The following DLGAP2 variants were observed in gnomAD, a reference collection of about 807,000 sequenced individuals.
DLGAP2 encodes the protein DLG associated protein 2, also known as disks large-associated protein 2.
Under a neutral mutation model 100.3 loss-of-function variants are expected in DLGAP2, and 26 were observed. The ratio of observed to expected loss-of-function variants is 0.26; its 90% confidence interval spans 0.19 to 0.36. The LOEUF (loss-of-function observed/expected upper bound fraction) is 0.36. DLGAP2 is among the 10% of genes least tolerant of loss of function. The pLI is 1.00. For synonymous variants in DLGAP2, 886 were observed against 630.1 expected (o/e 1.41, Z -6.08); for missense variants, 1,858 against 1,453.2 (o/e 1.28, Z -4.53).
At chr8:1,066,765 C>T (rs772709629) in intron 2 of DLGAP2, among the ~76,000 whole-genome samples, 8 of 152,360 alleles carry the variant, frequency 5.3e-5, no homozygotes, top group Non-Finnish European at 1.0e-4. Flanking sequence ...GCGGCACCTC[C>T]GTCCCTGCTG....
intron 4 of DLGAP2, among the ~76,000 whole-genome samples, chr8:1,526,240 G>T (rs113760106): frequency 6.6e-6 from 1 of 151,694 alleles, no homozygotes; most frequent in South Asian, 2.1e-4. Flanking sequence ...TTGCGGTGGC[G>T]ATTGTGTTTT....
chr8:1,060,342 G>A (rs890748025), intron 2 of DLGAP2, among the ~76,000 whole-genome samples: 2 of 72,720 alleles, frequency 2.8e-5, no homozygotes, highest in Non-Finnish European at 3.4e-5. Flanking sequence ...TGGTCCCTCC[G>A]CTGAGTGCTT....
At chr8:1,529,539 C>A (rs951930957) in intron 4 of DLGAP2, among the ~76,000 whole-genome samples, 4 of 152,116 alleles carry the variant, frequency 2.6e-5, no homozygotes, top group African/African-American at 9.7e-5. Context: ...ATAGAAAGCA[C>A]CAAAAATATT....
intron 2 of DLGAP2, among the ~76,000 whole-genome samples, chr8:1,244,248 G>C (rs1210992753): frequency 1.3e-5 from 2 of 152,224 alleles, no homozygotes; most frequent in Non-Finnish European, 2.9e-5. Flanking sequence ...TTGCACCCTA[G>C]TGCCCGGCAT....
chr8:1,534,250 G>A (rs981448966), intron 4 of DLGAP2, among the ~76,000 whole-genome samples: 10 of 152,204 alleles, frequency 6.6e-5, no homozygotes, highest in Non-Finnish European at 1.2e-4. Context: ...TTTGTGAAGC[G>A]AAAAGTGTGT....
chr8:1,253,461 C>T (rs549034397), intron 2 of DLGAP2, among the ~76,000 whole-genome samples: 1 of 152,370 alleles, frequency 6.6e-6, no homozygotes, highest in South Asian at 2.1e-4. Context: ...AAAGCTGCCT[C>T]TCCAAAAATA....
At chr8:1,151,041 C>T (rs73528480) in intron 2 of DLGAP2, among the ~76,000 whole-genome samples, 1,593 of 152,186 alleles carry the variant, frequency 0.01, 29 homozygotes, top group African/African-American at 0.036. Context: ...TTGATTTGGT[C>T]CTCCACTTTC....
intron 1 of DLGAP2, among the ~76,000 whole-genome samples, chr8:790,553 C>G (rs1162554611): frequency 6.6e-6 from 1 of 152,114 alleles, no homozygotes; most frequent in Non-Finnish European, 1.5e-5. Flanking sequence ...GAGTAGTTGG[C>G]TTAGCTGGTA....
intron 3 of DLGAP2, among the ~76,000 whole-genome samples, chr8:1,469,006 C>G (rs182775181): frequency 6.6e-6 from 1 of 152,326 alleles, no homozygotes; most frequent in Admixed American, 6.5e-5. Flanking sequence ...CTGCAAAGAC[C>G]AAGGTCAGAG....
intron 8 of DLGAP2, among the ~76,000 whole-genome samples, chr8:1,657,879 C>T (rs1386219897): frequency 6.6e-6 from 1 of 151,918 alleles, no homozygotes; most frequent in Non-Finnish European, 1.5e-5. Flanking sequence ...TTGTCACAGC[C>T]GAGAAAGAAT....
chr8:1,051,512 A>G (rs1802711173), intron 2 of DLGAP2, among the ~76,000 whole-genome samples: 1 of 152,240 alleles, frequency 6.6e-6, no homozygotes, highest in African/African-American at 2.4e-5. Context: ...CACTCAGCAT[A>G]AAGATGACAT....
intron 3 of DLGAP2, among the ~76,000 whole-genome samples, chr8:1,331,787 C>G (rs916826169): frequency 6.6e-6 from 1 of 152,168 alleles, no homozygotes; most frequent in Non-Finnish European, 1.5e-5. Context: ...CTCTGAGATA[C>G]GTGTAAATCC....
chr8:1,515,005 A>G (rs1184438456), intron 4 of DLGAP2, among the ~76,000 whole-genome samples: 2 of 151,996 alleles, frequency 1.3e-5, no homozygotes, highest in Admixed American at 6.5e-5. Flanking sequence ...GTGGAGGGAG[A>G]CCGACATGGA....
intron 3 of DLGAP2, among the ~76,000 whole-genome samples, chr8:1,283,282 G>T (rs1262992295): frequency 1.3e-5 from 2 of 151,764 alleles, no homozygotes; most frequent in East Asian, 1.9e-4. Flanking sequence ...TCCGGACGTG[G>T]TGCGACCTGA....
intron 8 of DLGAP2, among the ~76,000 whole-genome samples, chr8:1,653,454 C>A (rs17064186): frequency 0.11 from 16,430 of 152,208 alleles, 1,115 homozygotes; most frequent in Middle Eastern, 0.22. Context: ...GGCTTCCTGG[C>A]CCCACAGGTG....
At chr8:1,430,443 C>T (rs1256357322) in intron 3 of DLGAP2, among the ~76,000 whole-genome samples, 1 of 152,134 alleles carries the variant, frequency 6.6e-6, no homozygotes. Context: ...GATCAAATCA[C>T]ATTAGGCAAA....
At chr8:1,318,407 C>G (rs1006673606) in intron 3 of DLGAP2, among the ~76,000 whole-genome samples, 3 of 151,376 alleles carry the variant, frequency 2.0e-5, no homozygotes, top group African/African-American at 4.9e-5. Context: ...CTGTCCATAT[C>G]TAGTTCACCC....
intron 2 of DLGAP2, among the ~76,000 whole-genome samples, chr8:984,701 A>G (rs1262037468): frequency 6.6e-6 from 1 of 152,204 alleles, no homozygotes; most frequent in Non-Finnish European, 1.5e-5. Context: ...ATTAGCTGAG[A>G]TGTGTTTAGA....
At chr8:1,576,662 G>T (rs1802992616) in intron 6 of DLGAP2, among the ~76,000 whole-genome samples, 1 of 152,148 alleles carries the variant, frequency 6.6e-6, no homozygotes, top group African/African-American at 2.4e-5. Context: ...GTAAGGAAGG[G>T]ATCCAGTTTC....
Sources: allele counts gnomAD v4.1 joint callset (sites outside exome capture counted in the v4.1 genomes callset), GRCh38; gene constraint gnomAD v4.1.1; transcripts MANE v1.5; gene names NCBI Gene and HGNC (gene_info 2026-07-23, HGNC 2026-07-21).